The following MTOR variants were observed in gnomAD, a reference collection of about 807,000 sequenced individuals.
MTOR encodes the protein serine/threonine-protein kinase mTOR.
Under a neutral mutation model 319.8 loss-of-function variants are expected in MTOR, and 70 were observed. The observed-to-expected ratio is 0.22, with a 90% CI of 0.18 to 0.27. The LOEUF (loss-of-function observed/expected upper bound fraction) is 0.27. Among genes scored for constraint, MTOR ranks in the 10% least tolerant of loss-of-function variants. The probability of loss-of-function intolerance (pLI) is 1.00; values close to 1 mark genes in which losing one functional copy is unlikely to be tolerated. For synonymous variants in MTOR, 1,183 were observed against 1,211.4 expected (o/e 0.98, Z 0.49); for missense variants, 1,890 against 3,274.4 (o/e 0.58, Z 10.32).
At chr1:11,194,050 C>A (rs1481339237) in intron 28 of MTOR, among the ~76,000 whole-genome samples, 1 of 152,192 alleles carries the variant, frequency 6.6e-6, no homozygotes, top group African/African-American at 2.4e-5. Flanking sequence ...GTGCCGAACA[C>A]TAGTCTCTGC....
intron 26 of MTOR, among the ~76,000 whole-genome samples, chr1:11,200,816 C>T (rs548957745): frequency 2.0e-5 from 3 of 151,838 alleles, no homozygotes; most frequent in African/African-American, 4.8e-5. Context: ...GAGATCGAGA[C>T]CATCCTGGCT....
chr1:11,155,158 TAAAA>T, intron 30 of MTOR, among the ~76,000 whole-genome samples: 1 of 152,158 alleles, frequency 6.6e-6, no homozygotes, highest in Non-Finnish European at 1.5e-5. Context: ...TCTAAACAAA[TAAAA>T]ATTTGCCTAT....
At chr1:11,148,416 C>T (rs1004425076) in intron 31 of MTOR, among the ~76,000 whole-genome samples, 1 of 152,038 alleles carries the variant, frequency 6.6e-6, no homozygotes, top group Non-Finnish European at 1.5e-5. Context: ...TATCGAAAAC[C>T]CTCTGCATTT....
intron 5 of MTOR, among the ~76,000 whole-genome samples, chr1:11,254,872 C>T (rs1430360462): frequency 6.6e-6 from 1 of 151,458 alleles, no homozygotes; most frequent in East Asian, 2.0e-4. Flanking sequence ...TCAAGCAATT[C>T]TCCCGCCTCA....
intron 9 of MTOR, 83 bp from the exon 10 acceptor site, chr1:11,241,764 A>G: frequency 6.5e-7 from 1 of 1,528,664 alleles, no homozygotes; most frequent in Non-Finnish European, 8.9e-7. Context: ...GGGCAAGGAG[A>G]GCAGGTTACT....
Position 11,109,066 on chromosome 1 carries a change from C to T in MTOR, c.7528+224G>A, listed in dbSNP as rs1641724249. ...TTGGACCCAAAAGAAATTTATTCACCTCCTGAGTTAAATGAGATTAAACTA... is the reference window on the plus strand; with the variant it reads ...TTGGACCCAAAAGAAATTTATTCACTTCCTGAGTTAAATGAGATTAAACTA... On this transcript the variant is annotated intron_variant, in intron 56 of 57. Transcript: ENST00000361445. This position sits in a 1 kb window ranked among gnomAD's most constrained non-coding sequence, Gnocchi z 4.0. Among the ~76,000 whole-genome samples, 1 of 152,134 alleles carries T rather than the reference C, an allele frequency of 6.6e-6. No individual in the cohort carries two copies. Among genetic ancestry groups the T allele is most frequent in the African/African-American group, 2.4e-5 (1 of 41,410 alleles).
chr1:11,210,675 A>G (rs1646281277), intron 24 of MTOR, 139 bp downstream of exon 24: 2 of 609,794 alleles, frequency 3.3e-6, no homozygotes, highest in Non-Finnish European at 2.9e-6. Context: ...GAGACCACAT[A>G]GTCTACAAAA....
intron 28 of MTOR, among the ~76,000 whole-genome samples, chr1:11,175,551 G>C (rs959108598): frequency 5.9e-5 from 9 of 152,302 alleles, no homozygotes; most frequent in Admixed American, 3.9e-4. Flanking sequence ...CCATTACGCT[G>C]AACATCTTAT....
intron 18 of MTOR, 46 bp from the exon 19 acceptor site, chr1:11,228,964 G>C (rs757351686): frequency 6.2e-7 from 1 of 1,602,842 alleles, no homozygotes; most frequent in South Asian, 1.1e-5. Context: ...ATGGCATGAC[G>C]TGACTTCAGG....
intron 47 of MTOR, among the ~76,000 whole-genome samples, chr1:11,123,733 T>C (rs1642665474): frequency 1.3e-5 from 2 of 152,150 alleles, no homozygotes; most frequent in South Asian, 4.1e-4. Flanking sequence ...CCTTCCAAAG[T>C]GTCGGGATTA....
intron 29 of MTOR, among the ~76,000 whole-genome samples, chr1:11,160,937 G>A (rs527535034): frequency 4.6e-4 from 70 of 152,248 alleles, no homozygotes; most frequent in African/African-American, 1.6e-3. Context: ...GACAGTGGGT[G>A]CAGGACAGTG....
At position 11,210,901 on chromosome 1, in the gene MTOR, T is replaced by C. The variant is rs754854630; in HGVS notation, c.3567A>G (p.Gln1189=). 22 of 1,611,162 alleles carry C rather than the reference T, an allele frequency of 1.4e-5. No individual in the cohort carries two copies. Among genetic ancestry groups the C allele is most frequent in the Non-Finnish European group, 7.6e-6 (9 of 1,177,780 alleles). ...CTTTATTCACCATTGGAATGAAAATTTGGTACTAAAACAGGAGGGGGAAGA... is the reference window on the plus strand; with the variant it reads ...CTTTATTCACCATTGGAATGAAAATCTGGTACTAAAACAGGAGGGGGAAGA... The part of the protein sequence containing the change: ...SLVFQLGKKY[Q]IFIPMVNKVL... The change falls in exon 24 of 58, where the codon CAA becomes CAG. Residue 1189 remains glutamine (Q), a synonymous_variant. Coordinates refer to ENST00000361445, the MANE Select transcript of MTOR (RefSeq NM_004958.4).
chr1:11,199,173 T>C lies in MTOR; in HGVS notation c.4253+85A>G. The C allele has an allele frequency of 6.4e-7, 1 of 1,561,832 alleles. No individual in the cohort carries two copies. The highest frequency in any genetic ancestry group is 8.8e-7 in the Non-Finnish European group (1 of 1,136,274). ...ATTTCACAGAGCAGAAGTCTTCAAG[T>C]GACTCCAGTGAAGTGGCACCAGGCA... On this transcript the variant is annotated intron_variant, in intron 28 of 57. Coordinates refer to ENST00000361445, the MANE Select transcript of MTOR (RefSeq NM_004958.4). The surrounding 1 kb of genome is among the most constrained non-coding windows in gnomAD (Gnocchi z 4.5).
chr1:11,134,413 G>A lies in MTOR; in HGVS notation c.5184C>T (p.Ala1728=). The A allele has an allele frequency of 6.2e-7, 1 of 1,614,156 alleles. No individual in the cohort carries two copies. Among genetic ancestry groups the A allele is most frequent in the Non-Finnish European group, 8.5e-7 (1 of 1,180,028 alleles). The part of the protein sequence containing the change: ...QHFVQTMQQQ[A]QHAIATEDQQ... ...GGTCCTCAGTAGCGATGGCATGCTG[G>A]GCCTGTTGCTGCATGGTCTGGACAA... The change falls in exon 37 of 58, where the codon GCC becomes GCT. Residue 1728 remains alanine (A), a synonymous_variant. Transcript: ENST00000361445.
chr1:11,197,416 G>C (rs998256263), intron 28 of MTOR, among the ~76,000 whole-genome samples: 2 of 152,148 alleles, frequency 1.3e-5, no homozygotes, highest in Non-Finnish European at 2.9e-5. Context: ...AAAAAAGAAA[G>C]GTGATGGGAA....
At chr1:11,228,999 C>T (rs2100858111) in intron 18 of MTOR, 81 bp from the exon 19 acceptor site, 2 of 1,516,212 alleles carry the variant, frequency 1.3e-6, no homozygotes, top group Non-Finnish European at 1.8e-6. Flanking sequence ...TAACAAACAA[C>T]CTCCTAACAG....
intron 56 of MTOR, among the ~76,000 whole-genome samples, chr1:11,108,826 C>T (rs1026522564): frequency 6.6e-6 from 1 of 151,812 alleles, no homozygotes; most frequent in African/African-American, 2.4e-5. Context: ...GAAACCCCAT[C>T]TCTACTAAAA....
chr1:11,157,136 A>G lies in MTOR; in HGVS notation c.4469+16T>C, dbSNP rs1293897479. On this transcript the variant is annotated intron_variant, in intron 30 of 57. Coordinates refer to ENST00000361445, the MANE Select transcript of MTOR (RefSeq NM_004958.4). ...GTCTCTTGCAGCCACACATGCCATC[A>G]TTCTAGGAAGCTCACCATTCCCCCA... The G allele has an allele frequency of 6.3e-7, 1 of 1,588,484 alleles. No homozygotes were observed. The highest frequency in any genetic ancestry group is 8.6e-7 in the Non-Finnish European group (1 of 1,168,998).
chr1:11,114,252 C>T (rs2100313277), intron 53 of MTOR, 66 bp downstream of exon 53: 1 of 1,591,160 alleles, frequency 6.3e-7, no homozygotes, highest in Admixed American at 1.7e-5. Flanking sequence ...GCCTTGGCCT[C>T]CCAAAATGTT....
Sources: gnomAD v4.1 joint callset for allele counts (sites outside exome capture counted in the v4.1 genomes callset) on GRCh38, gnomAD v4.1.1 for gene constraint, Gnocchi (gnomAD v3.1) non-coding constraint, MANE v1.5 for transcripts, NCBI Gene and HGNC (gene_info 2026-07-23, HGNC 2026-07-21) for gene names.